ASCC3: variants seen among roughly 807,000 people sequenced by gnomAD.
ASCC3 encodes ASC-1 complex subunit P200.
Under a neutral mutation model 256.3 loss-of-function variants are expected in ASCC3, and 158 were observed. The observed-to-expected ratio is 0.62, with a 90% CI of 0.54 to 0.70. The LOEUF is 0.70. ASCC3 is among the 30% of genes least tolerant of loss of function. The pLI is 0.00. For missense variants in ASCC3, 2,259 were observed against 2,626.0 expected (o/e 0.86, Z 3.05); for synonymous variants, 948 against 883.4 (o/e 1.07, Z -1.30).
intron 8 of ASCC3, among the ~76,000 whole-genome samples, chr6:100,769,052 T>C (rs747487424): frequency 6.6e-6 from 1 of 152,134 alleles, no homozygotes; most frequent in Non-Finnish European, 1.5e-5. Flanking sequence ...AAATTTATTA[T>C]GTCAAAATTT....
At chr6:100,759,453 A>C (rs1159566533) in intron 10 of ASCC3, among the ~76,000 whole-genome samples, 2 of 152,200 alleles carry the variant, frequency 1.3e-5, no homozygotes, top group East Asian at 3.9e-4. Flanking sequence ...AGTTTTCTGC[A>C]TATGGCTAGC....
chr6:100,812,017 T>G (rs1283648121), intron 4 of ASCC3, among the ~76,000 whole-genome samples: 1 of 152,114 alleles, frequency 6.6e-6, no homozygotes, highest in Non-Finnish European at 1.5e-5. Context: ...GAAAGAGCCC[T>G]GCCAAAACCA....
At chr6:100,845,445 T>A (rs1013490791) in intron 4 of ASCC3, among the ~76,000 whole-genome samples, 1 of 152,182 alleles carries the variant, frequency 6.6e-6, no homozygotes, top group Admixed American at 6.5e-5. Context: ...TGCTTTAGTA[T>A]GCTATTTTTA....
chr6:100,740,198 T>A (rs556002340), intron 10 of ASCC3, among the ~76,000 whole-genome samples: 1 of 152,346 alleles, frequency 6.6e-6, no homozygotes, highest in African/African-American at 2.4e-5. Context: ...TAACTAAGTT[T>A]CATTCAGGAT....
At chr6:100,643,967 G>A in intron 23 of ASCC3, 64 bp downstream of exon 23, 2 of 1,086,730 alleles carry the variant, frequency 1.8e-6, no homozygotes, top group African/African-American at 1.6e-5. Context: ...AATAAAAGCA[G>A]AAACTGTTAG....
At chr6:100,872,188 G>A (rs918328145) in intron 1 of ASCC3, among the ~76,000 whole-genome samples, 4 of 152,102 alleles carry the variant, frequency 2.6e-5, no homozygotes, top group Admixed American at 2.6e-4. Context: ...CTCTGGCATG[G>A]TCTTACAAAT....
intron 34 of ASCC3, among the ~76,000 whole-genome samples, chr6:100,598,067 T>A (rs1772400997): frequency 6.6e-6 from 1 of 151,904 alleles, no homozygotes; most frequent in Non-Finnish European, 1.5e-5. Context: ...TTTAGACTGT[T>A]AAGACTTGGC....
chr6:100,744,135 A>G (rs1486601151), intron 10 of ASCC3, among the ~76,000 whole-genome samples: 1 of 152,162 alleles, frequency 6.6e-6, no homozygotes, highest in Non-Finnish European at 1.5e-5. Context: ...CAAATCCAGA[A>G]GCTGAAACAA....
intron 4 of ASCC3, among the ~76,000 whole-genome samples, chr6:100,834,669 A>T (rs896966649): frequency 1.3e-5 from 2 of 152,170 alleles, no homozygotes; most frequent in Non-Finnish European, 2.9e-5. Flanking sequence ...TAATTTTTTT[A>T]AAATAAGAGC....
intron 37 of ASCC3, among the ~76,000 whole-genome samples, chr6:100,524,870 T>C (rs1774489623): frequency 6.6e-6 from 1 of 152,018 alleles, no homozygotes; most frequent in Non-Finnish European, 1.5e-5. Flanking sequence ...TATCTAGTGT[T>C]AGTATAGGGA....
chr6:100,679,083 TG>T (rs1777160988), intron 14 of ASCC3, among the ~76,000 whole-genome samples: 1 of 152,180 alleles, frequency 6.6e-6, no homozygotes, highest in Non-Finnish European at 1.5e-5. Flanking sequence ...GAGTCCGGGT[TG>T]GGGCCTAAAG....
At chr6:100,561,056 A>T (rs1489635827) in intron 36 of ASCC3, among the ~76,000 whole-genome samples, 1 of 151,992 alleles carries the variant, frequency 6.6e-6, no homozygotes, top group Non-Finnish European at 1.5e-5. Context: ...TTTATAAAAT[A>T]AGACTCAGTG....
At chr6:100,587,422 A>G (rs1254993470) in intron 36 of ASCC3, among the ~76,000 whole-genome samples, 2 of 152,234 alleles carry the variant, frequency 1.3e-5, no homozygotes, top group Non-Finnish European at 2.9e-5. Context: ...CATAGTGTTC[A>G]ATAGTGAACA....
At chr6:100,670,540 A>G (rs1228769043) in intron 14 of ASCC3, among the ~76,000 whole-genome samples, 1 of 151,648 alleles carries the variant, frequency 6.6e-6, no homozygotes, top group Admixed American at 6.6e-5. Flanking sequence ...TCATCTGTGC[A>G]TGTTCAGAAC....
intron 36 of ASCC3, among the ~76,000 whole-genome samples, chr6:100,565,227 G>C (rs6920040): frequency 0.015 from 2,220 of 152,154 alleles, 44 homozygotes; most frequent in African/African-American, 0.051. Context: ...TTTTCTCTCA[G>C]CCAGGTTTCC....
chr6:100,575,427 T>G, intron 36 of ASCC3, among the ~76,000 whole-genome samples: 1 of 152,104 alleles, frequency 6.6e-6, no homozygotes, highest in East Asian at 1.9e-4. Flanking sequence ...AAATGTTGTA[T>G]TACTGAAAAT....
intron 8 of ASCC3, among the ~76,000 whole-genome samples, chr6:100,794,280 T>A (rs999343277): frequency 2.6e-5 from 4 of 152,112 alleles, no homozygotes. Context: ...AAGCCCTTCA[T>A]GTGCAGGCAA....
At chr6:100,542,144 TA>T (rs1420654241) in intron 36 of ASCC3, among the ~76,000 whole-genome samples, 2 of 152,176 alleles carry the variant, frequency 1.3e-5, no homozygotes, top group East Asian at 3.8e-4. Context: ...TAATTTGATA[TA>T]AACTATAAAT....
chr6:100,860,683 A>C (rs1211732775), intron 3 of ASCC3, among the ~76,000 whole-genome samples: 1 of 152,096 alleles, frequency 6.6e-6, no homozygotes, highest in Non-Finnish European at 1.5e-5. Context: ...ACTACTGTGA[A>C]GGGAGAAGAC....
Sources: allele counts gnomAD v4.1 joint callset (sites outside exome capture counted in the v4.1 genomes callset), GRCh38; gene constraint gnomAD v4.1.1; transcripts MANE v1.5; gene names NCBI Gene and HGNC (gene_info 2026-07-23, HGNC 2026-07-21).